Variants in MTERF4 observed in about 807,000 individuals in gnomAD.
The protein encoded by MTERF4 is transcription termination factor 4, mitochondrial.
MTERF4 carries 17 observed loss-of-function variants against 22.5 expected under a neutral mutation model. That is an observed-to-expected ratio of 0.75 (90% CI 0.52 to 1.13). The LOEUF (loss-of-function observed/expected upper bound fraction) is 1.13. Among genes scored for constraint, MTERF4 ranks in the 50% most tolerant of loss-of-function variants. MTERF4 has a pLI of 0.00. For missense variants in MTERF4, 420 were observed against 466.8 expected, an observed-to-expected ratio of 0.90 and a Z score of 0.92; for synonymous variants, 165 against 175.3, an observed-to-expected ratio of 0.94 and a Z score of 0.47.
chr2:241,060,125 T>C, the MTERF4 span, among the ~76,000 whole-genome samples: 4 of 152,024 alleles, frequency 2.6e-5, no homozygotes, highest in Non-Finnish European at 5.9e-5. Flanking sequence ...ATCAAAAACA[T>C]GATAAATTTT....
At chr2:241,065,029 C>T in the MTERF4 span, 3 of 1,204,148 alleles carry the variant, frequency 2.5e-6, no homozygotes, top group Non-Finnish European at 3.4e-6. Context: ...CCAACGGTCT[C>T]CAAGGGCAGA....
chr2:241,071,488 G>T, downstream of MTERF4: 1 of 1,460,198 alleles, frequency 6.8e-7, no homozygotes, highest in Non-Finnish European at 9.3e-7. Flanking sequence ...GCACGGCTGA[G>T]TGTGAGGGGC....
chr2:241,071,715 C>T, downstream of MTERF4: 1 of 1,505,598 alleles, frequency 6.6e-7, no homozygotes, highest in Non-Finnish European at 9.0e-7. Flanking sequence ...CCACCCAGCC[C>T]CCCAGGTACA....
chr2:241,070,115 G>A (rs143822327), downstream of MTERF4: 298 of 1,612,734 alleles, frequency 1.8e-4, no homozygotes, highest in African/African-American at 3.4e-3. Flanking sequence ...CTGCCGGGAC[G>A]GCGGTACCAG....
At chr2:241,067,521 G>C (rs545980659), downstream of MTERF4, among the ~76,000 whole-genome samples, 5 of 152,314 alleles carry the variant, frequency 3.3e-5, no homozygotes. Context: ...CTGGTAAGAC[G>C]GGCTGGCCCA....
chr2:241,050,088 A>C, the MTERF4 span: 3 of 701,118 alleles, frequency 4.3e-6, no homozygotes, highest in Non-Finnish European at 7.9e-6. Flanking sequence ...GTGTATTTAG[A>C]GGTGAGCACC....
At position 241,073,624 on chromosome 2, in the gene MTERF4, C is replaced by T; in HGVS notation, n.2538G>A. 10 of 522,372 alleles carry T rather than the reference C, an allele frequency of 1.9e-5. No individual in the cohort carries two copies. The highest frequency in any genetic ancestry group is 3.4e-5 in the Non-Finnish European group (10 of 293,680). The allele number at this position is 522,372 out of a possible 1,614,324, so 32.4% of individuals were successfully genotyped here. ...CCAGAGTCTGAGCTAGAGAGACTGG[C>T]TTTGATGCTGCCTCCCCTCCCCTCT... On this transcript the variant is annotated non_coding_transcript_exon_variant, in exon 5 of 5. Coordinates refer to the MTERF4 transcript ENST00000464344. The surrounding 1 kb of genome is among the most constrained non-coding windows in gnomAD (Gnocchi z 6.6).
At chr2:241,052,686 TC>T in the MTERF4 span, among the ~76,000 whole-genome samples, 2 of 962 alleles carry the variant, frequency 2.1e-3, no homozygotes, top group African/African-American at 6.1e-3. Flanking sequence ...GGTGAGAGGG[TC>T]GGCGGGGGGG....
the MTERF4 span, among the ~76,000 whole-genome samples, chr2:241,043,203 C>T: frequency 6.6e-6 from 1 of 152,060 alleles, no homozygotes; most frequent in Non-Finnish European, 1.5e-5. Flanking sequence ...TGAAGAAAAC[C>T]ATGCAAAGCC....
At chr2:241,052,440 AG>A in the MTERF4 span, 1 of 1,609,664 alleles carries the variant, frequency 6.2e-7, no homozygotes, top group Middle Eastern at 1.7e-4. Context: ...ACTGCCAAGC[AG>A]GGTACATGGG....
the MTERF4 span, chr2:241,065,629 G>C: frequency 6.3e-7 from 1 of 1,593,264 alleles, no homozygotes; most frequent in Admixed American, 1.7e-5. Flanking sequence ...TCCCTGCCCA[G>C]CCCCTGCCCC....
At chr2:241,066,690 C>A in the MTERF4 span, among the ~76,000 whole-genome samples, 1 of 152,068 alleles carries the variant, frequency 6.6e-6, no homozygotes, top group Non-Finnish European at 1.5e-5. Context: ...CAGGGCCCTG[C>A]GGGGCGGCCA....
rs1040018147 is a variant in MTERF4 at position 241,073,131 on chromosome 2, G to A, written n.3031C>T. On this transcript the variant is annotated non_coding_transcript_exon_variant, in exon 5 of 5. Transcript: ENST00000464344. The surrounding 1 kb of genome is among the most constrained non-coding windows in gnomAD (Gnocchi z 6.6). ...CAGCTCTGGGGCCGACAGGTGCTGG[G>A]GCCACGCAGGGAGCCTGGTCCCCAC... 3 of 645,726 alleles carry A rather than the reference G, an allele frequency of 4.6e-6. No individual in the cohort carries two copies. The highest frequency in any genetic ancestry group is 3.6e-5 in the African/African-American group (2 of 54,828). The allele number at this position is 645,726 out of a possible 1,614,324, so 40.0% of individuals were successfully genotyped here. A position where few individuals can be genotyped will look rare whatever the true frequency, so the allele number is the denominator to read the frequency against.
chr2:241,095,078 A>ACC (rs2064328750), downstream of MTERF4: 1 of 63,322 alleles, frequency 1.6e-5, no homozygotes, highest in African/African-American at 4.8e-5. Context: ...CCCCCCCCAC[A>ACC]CCCACCTTGG....
chr2:241,063,649 G>A, the MTERF4 span: 1 of 1,612,402 alleles, frequency 6.2e-7, no homozygotes, highest in African/African-American at 1.3e-5. Context: ...CCTCCCAGGG[G>A]CCTATGTCTG....
At chr2:241,090,633 G>A (rs1219315418), downstream of MTERF4, among the ~76,000 whole-genome samples, 2 of 152,126 alleles carry the variant, frequency 1.3e-5, no homozygotes, top group East Asian at 1.9e-4. Context: ...TTGGGAGGCC[G>A]AGGCCGGCGG....
chr2:241,059,005 AAG>A, the MTERF4 span, among the ~76,000 whole-genome samples: 5 of 152,186 alleles, frequency 3.3e-5, no homozygotes, highest in Non-Finnish European at 5.9e-5. Flanking sequence ...TCAGGAAAAA[AAG>A]AGAGAAATTA....
downstream of MTERF4, chr2:241,092,276 G>A (rs2064078241): frequency 6.6e-6 from 1 of 152,152 alleles, no homozygotes; most frequent in Admixed American, 6.5e-5. This position sits in a 1 kb window ranked among gnomAD's most constrained non-coding sequence, Gnocchi z 4.6. Flanking sequence ...TTAGACAACG[G>A]CGCGACTGGC....
chr2:241,079,853 C>G (rs2063244234), intron 4 of MTERF4, among the ~76,000 whole-genome samples: 1 of 152,078 alleles, frequency 6.6e-6, no homozygotes, highest in Non-Finnish European at 1.5e-5. Context: ...ACTCAGTGAT[C>G]TTAATGTTAG....
Sources: gnomAD v4.1 joint callset for allele counts (sites outside exome capture counted in the v4.1 genomes callset) on GRCh38, gnomAD v4.1.1 for gene constraint, Gnocchi (gnomAD v3.1) non-coding constraint, MANE v1.5 for transcripts, NCBI Gene and HGNC (gene_info 2026-07-23, HGNC 2026-07-21) for gene names.